Variants in TRPM7 observed in about 807,000 individuals in gnomAD.
TRPM7 encodes the protein LTRPC ion channel family member 7.
In TRPM7, 134 loss-of-function variants were observed where a neutral mutation model predicts 229.7. That is an observed-to-expected ratio of 0.58 (90% CI 0.51 to 0.67). The LOEUF is 0.67. Among genes scored for constraint, TRPM7 ranks in the 30% least tolerant of loss-of-function variants. The pLI is 0.00. For synonymous variants in TRPM7, 699 were observed against 715.2 expected (o/e 0.98, Z 0.36); for missense variants, 1,901 against 2,210.0 (o/e 0.86, Z 2.80).
intron 38 of TRPM7, among the ~76,000 whole-genome samples, chr15:50,568,128 A>C (rs1310518120): frequency 9.9e-5 from 15 of 151,298 alleles, no homozygotes; most frequent in Middle Eastern, 3.4e-3. Flanking sequence ...AAAAAAAAAA[A>C]AAAACAAGGA....
chr15:50,641,324 T>A (rs1351897529), intron 5 of TRPM7, among the ~76,000 whole-genome samples: 1 of 152,168 alleles, frequency 6.6e-6, no homozygotes, highest in Non-Finnish European at 1.5e-5. Flanking sequence ...CACCTAGCAC[T>A]CTCTGCTTAT....
intron 38 of TRPM7, among the ~76,000 whole-genome samples, chr15:50,564,801 T>C (rs78455041): frequency 0.01 from 1,559 of 152,272 alleles, 26 homozygotes; most frequent in African/African-American, 0.036. Flanking sequence ...TAATTATTTT[T>C]GATAAATTTT....
At chr15:50,601,118 A>G (rs2059769680) in intron 21 of TRPM7, among the ~76,000 whole-genome samples, 1 of 152,192 alleles carries the variant, frequency 6.6e-6, no homozygotes, top group Admixed American at 6.5e-5. Context: ...TAGAATACAA[A>G]TGCTTGTAAT....
At chr15:50,666,377 G>A (rs776781077) in intron 1 of TRPM7, among the ~76,000 whole-genome samples, 7 of 151,998 alleles carry the variant, frequency 4.6e-5, no homozygotes, top group Non-Finnish European at 8.8e-5. Context: ...GGAGCTCGAG[G>A]CTGCAGCGAG....
At position 50,621,466 on chromosome 15, in the gene TRPM7, G is replaced by C. The variant is rs541086402; in HGVS notation, c.1441-1668C>G. On this transcript the variant is annotated intron_variant, in intron 12 of 38. Coordinates refer to ENST00000646667, the MANE Select transcript of TRPM7 (RefSeq NM_017672.6). Reference sequence around the variant, plus strand: ...GTACTTTAACACAGTAATTCTCAAAGTGTGACCTGGGGACACCTGAGGCCC... The same window carrying C: ...GTACTTTAACACAGTAATTCTCAAACTGTGACCTGGGGACACCTGAGGCCC... 4.5e-4 allele frequency among the ~76,000 whole-genome samples: 69 copies of C among 152,270 alleles called. 1 individual carries two copies. The highest frequency in any genetic ancestry group is 8.7e-4 in the Non-Finnish European group (59 of 68,026).
chr15:50,646,530 T>C (rs1354650139), intron 4 of TRPM7, among the ~76,000 whole-genome samples: 1 of 152,158 alleles, frequency 6.6e-6, no homozygotes, highest in Admixed American at 6.6e-5. Context: ...GTGATCCTCC[T>C]GCCTAGGCCT....
At chr15:50,568,984 AAAAC>A (rs1339872480) in intron 38 of TRPM7, among the ~76,000 whole-genome samples, 2 of 152,152 alleles carry the variant, frequency 1.3e-5, no homozygotes, top group East Asian at 1.9e-4. Context: ...CCCTGTCTCA[AAAAC>A]AAACAAATAA....
At chr15:50,675,460 C>T (rs951467408) in intron 1 of TRPM7, among the ~76,000 whole-genome samples, 1 of 152,156 alleles carries the variant, frequency 6.6e-6, no homozygotes. Flanking sequence ...TACATACATT[C>T]TTCCCACACG....
At chr15:50,620,002 A>G (rs536192873) in intron 12 of TRPM7, among the ~76,000 whole-genome samples, 5 of 152,358 alleles carry the variant, frequency 3.3e-5, no homozygotes, top group African/African-American at 1.2e-4. Flanking sequence ...AAAATGATAC[A>G]TAAGTTTTTG....
At chr15:50,678,541 T>C (rs8036921) in intron 1 of TRPM7, among the ~76,000 whole-genome samples, 58,625 of 135,710 alleles carry the variant, frequency 0.43, 12,665 homozygotes, top group Non-Finnish European at 0.45. Flanking sequence ...TATATATATA[T>C]ACACACACAC....
At chr15:50,649,178 C>G (rs926759515) in intron 3 of TRPM7, among the ~76,000 whole-genome samples, 1 of 152,020 alleles carries the variant, frequency 6.6e-6, no homozygotes, top group East Asian at 1.9e-4. Context: ...GTGGCTCACG[C>G]GGGTAATCCC....
chr15:50,624,612 G>A (rs1358665714), intron 11 of TRPM7, among the ~76,000 whole-genome samples: 1 of 152,130 alleles, frequency 6.6e-6, no homozygotes, highest in Non-Finnish European at 1.5e-5. Flanking sequence ...TTAAAGCAAT[G>A]CTCTCAGTGT....
chr15:50,678,249 A>AC lies in TRPM7; in HGVS notation c.3+8281_3+8282insG, dbSNP rs1226413544. ...AGTGAGACTCTCTCTCAAAAAAAAAAAACAAAAACAAAAACAAAAACAAAA... is the reference window on the plus strand; with the variant it reads ...AGTGAGACTCTCTCTCAAAAAAAAAACAACAAAAACAAAAACAAAAACAAAA... On this transcript the variant is annotated intron_variant, in intron 1 of 38. Transcript: ENST00000646667. 9.5e-5 allele frequency among the ~76,000 whole-genome samples: 12 copies of AC among 125,656 alleles called. No individual in the cohort carries two copies. In the East Asian group the frequency reaches 2.6e-3, roughly 27 times the overall value. The allele number at this position is 125,656 out of a possible 152,430, so 82.4% of individuals were successfully genotyped here.
At chr15:50,586,237 C>T (rs1327358803) in intron 28 of TRPM7, among the ~76,000 whole-genome samples, 155 bp downstream of exon 28, 2 of 152,142 alleles carry the variant, frequency 1.3e-5, no homozygotes, top group East Asian at 1.9e-4. Context: ...GCTAGGATTA[C>T]GACTTATTCA....
At chr15:50,672,973 A>G (rs2062022969) in intron 1 of TRPM7, among the ~76,000 whole-genome samples, 1 of 151,504 alleles carries the variant, frequency 6.6e-6, no homozygotes, top group South Asian at 2.1e-4. Flanking sequence ...CAGCTGTACA[A>G]TGTGTTTTAT....
At chr15:50,652,444 A>G (rs529300417) in intron 3 of TRPM7, among the ~76,000 whole-genome samples, 74 of 151,374 alleles carry the variant, frequency 4.9e-4, no homozygotes, top group Non-Finnish European at 9.0e-4. Context: ...AAATTGATAA[A>G]CTGAAGTCAG....
chr15:50,612,679 A>G lies in TRPM7; in HGVS notation c.1921T>C (p.Leu641=). The G allele has an allele frequency of 1.2e-6, 2 of 1,614,182 alleles. No homozygotes were observed. Among genetic ancestry groups the G allele is most frequent in the Non-Finnish European group, 1.7e-6 (2 of 1,180,028 alleles). ...ATTGATTCTTCACCATGTTGCCATA[A>G]AAAACGGGCCATGACCTGCCTCTTC... ...LMKRQVMARF[L]WQHGEESMAK... The change falls in exon 16 of 39, where the codon TTA becomes CTA. Residue 641 remains leucine, a synonymous_variant. Coordinates refer to ENST00000646667, the MANE Select transcript of TRPM7 (RefSeq NM_017672.6).
chr15:50,673,634 G>GTGTA (rs1555434979), intron 1 of TRPM7, among the ~76,000 whole-genome samples: 4 of 150,316 alleles, frequency 2.7e-5, no homozygotes, highest in African/African-American at 9.8e-5. Context: ...GTATTCCCTC[G>GTGTA]TATATATATA....
At chr15:50,565,882 G>T (rs553739637) in intron 38 of TRPM7, among the ~76,000 whole-genome samples, 1 of 150,998 alleles carries the variant, frequency 6.6e-6, no homozygotes, top group African/African-American at 2.4e-5. Flanking sequence ...AGAGTGCAGT[G>T]GCGCAATCTT....
Sources: gnomAD v4.1 joint callset for allele counts (sites outside exome capture counted in the v4.1 genomes callset) on GRCh38, gnomAD v4.1.1 for gene constraint, MANE v1.5 for transcripts, NCBI Gene and HGNC (gene_info 2026-07-23, HGNC 2026-07-21) for gene names.